CPNE7: variants seen among roughly 807,000 people sequenced by gnomAD.
The protein encoded by CPNE7 is copine-7.
A neutral mutation model predicts 66.5 loss-of-function variants in CPNE7; 78 were observed. The observed-to-expected ratio is 1.17, with a 90% CI of 0.98 to 1.42. The LOEUF (loss-of-function observed/expected upper bound fraction) is 1.42, where lower values mean the gene tolerates loss of function less well. Among genes scored for constraint, CPNE7 ranks in the 40% most tolerant of loss-of-function variants. CPNE7 has a pLI of 0.00. For synonymous variants in CPNE7, 468 were observed against 336.7 expected (o/e 1.39, Z -4.27); for missense variants, 1,012 against 776.6 (o/e 1.30, Z -3.60).
Position 89,583,721 on chromosome 16 carries a change from C to A in CPNE7, c.382C>A (p.Arg128Ser). Residue 128 changes from arginine to serine, a missense_variant, in exon 3 of 15, where the codon CGC becomes AGC. Arg to Ser is a moderately radical substitution (Grantham distance 110). Transcript: ENST00000319518. ...GQIVAQKKVT[R>S]PLLLKFGRNA... ...GATTGTGGCCCAGAAGAAGGTGACC[C>A]GCCCGCTGCTGCTCAAGTTTGGCAG... is the stretch of plus-strand genomic sequence containing the variant. The A allele has an allele frequency of 3.1e-6, 5 of 1,612,800 alleles. No homozygotes were observed. Among genetic ancestry groups the A allele is most frequent in the Non-Finnish European group, 4.2e-6 (5 of 1,179,916 alleles).
In CPNE7 at chr16:89,579,854, CA is replaced by C. The variant is rs1463830724; in HGVS notation, c.357+2134del. Among the ~76,000 whole-genome samples, 6 of 49,280 alleles carry C rather than the reference CA, an allele frequency of 1.2e-4. 1 individual carries two copies. Among genetic ancestry groups the C allele is most frequent in the Admixed American group, 9.6e-4 (4 of 4,156 alleles). 32.3% of individuals were successfully genotyped at this position (49,280 alleles called of 152,430 possible). On this transcript the variant is annotated intron_variant, in intron 2 of 14. Transcript: ENST00000319518. ...CACCCATCACACGGAACATCTCACC[CA>C]TCACACGGAACATCCCGTCACCTGC...
At chr16:89,595,271 C>T (rs1364909876) in intron 13 of CPNE7, 96 bp from the exon 14 acceptor site, 17 of 980,122 alleles carry the variant, frequency 1.7e-5, no homozygotes, top group South Asian at 1.6e-4. Flanking sequence ...CTCTGACGCA[C>T]GGAGGCACTC....
In CPNE7 at chr16:89,595,800, C is replaced by T. The variant is rs757496305; in HGVS notation, c.1539+197C>T. The T allele has an allele frequency of 2.3e-5, 16 of 695,482 alleles. No homozygotes were observed. In the East Asian group the frequency reaches 2.5e-4, roughly 11 times the overall value. The allele number at this position is 695,482 out of a possible 1,614,324, so 43.1% of individuals were successfully genotyped here. ...TTTGAGCACCTGAAACACCCTCCAC[C>T]GTTTTGAAACTTGTCGAATCTACAC... On this transcript the variant is annotated intron_variant, in intron 14 of 14. Transcript: ENST00000319518.
At chr16:89,595,238 A>T in intron 13 of CPNE7, 129 bp from the exon 14 acceptor site, 1 of 703,936 alleles carries the variant, frequency 1.4e-6, no homozygotes, top group Non-Finnish European at 2.4e-6. Context: ...TAGGCATCAC[A>T]CTCTGAAGGC....
chr16:89,595,315 C>T, intron 13 of CPNE7, 52 bp from the exon 14 acceptor site: 1 of 1,459,614 alleles, frequency 6.9e-7, no homozygotes, highest in Non-Finnish European at 9.3e-7. Flanking sequence ...TTGCAGGGCG[C>T]ATGTGGGCCA....
intron 8 of CPNE7, 133 bp downstream of exon 8, chr16:89,586,889 G>T: frequency 9.1e-7 from 1 of 1,099,632 alleles, no homozygotes; most frequent in South Asian, 1.3e-5. Flanking sequence ...TGAGAGACGG[G>T]GAAGGGCGAG....
In CPNE7 at chr16:89,586,754, A is replaced by G. The variant is rs868417632; in HGVS notation, c.865A>G (p.Lys289Glu). ...NSGVVVLADLKFHRVYSFLDY... is the reference protein window; with the variant it reads ...NSGVVVLADLEFHRVYSFLDY... The stretch of plus-strand genomic sequence containing the variant: ...AGGAGTGGTCGTCCTGGCTGACCTC[A>G]AGGTGAGAGGTGGCTGTGCCCGAAG... The change falls in exon 8 of 15, where the codon AAG (lysine) becomes GAG (glutamate). Residue 289 changes from lysine to glutamate, a missense_variant and splice_region_variant. Lys to Glu is a moderately conservative substitution (Grantham distance 56). Transcript: ENST00000319518. The G allele has an allele frequency of 1.9e-6, 3 of 1,610,896 alleles. No homozygotes were observed. Among genetic ancestry groups the G allele is most frequent in the Admixed American group, 1.7e-5 (1 of 59,924 alleles).
At chr16:89,587,852 TGTTACCCACAGATACACGGCCCCCC>T (rs2059095989) in intron 9 of CPNE7, 1 of 46,430 alleles carries the variant, frequency 2.2e-5, no homozygotes, top group Non-Finnish European at 4.8e-5. Flanking sequence ...ACGGCCCCCG[TGTTACCCACAGATACACGGCCCCCC>T]GTGTCACCCG....
chr16:89,576,484 C>T (rs1275063668), intron 1 of CPNE7, among the ~76,000 whole-genome samples: 2 of 151,882 alleles, frequency 1.3e-5, no homozygotes, highest in African/African-American at 2.4e-5. Flanking sequence ...AGCAGGCCGG[C>T]GAGGGAGCGC....
intron 2 of CPNE7, among the ~76,000 whole-genome samples, chr16:89,577,941 G>A (rs1319320909): frequency 6.6e-6 from 1 of 152,220 alleles, no homozygotes; most frequent in Non-Finnish European, 1.5e-5. Context: ...AGGTATAAAA[G>A]GCTGTGGAGC....
rs921031642 is a variant in CPNE7, at chr16:89,587,666, C to T, written c.927+564C>T. On this transcript the variant is annotated intron_variant, in intron 9 of 14. Transcript: ENST00000319518. The stretch of plus-strand genomic sequence containing the variant: ...GACCCCGTGTCACCCCCATGTCACC[C>T]GCAGACCCCGCGTCACCCATAGATA... The T allele has an allele frequency of 8.2e-5, 35 of 424,328 alleles. No individual in the cohort carries two copies. In the East Asian group the frequency reaches 1.0e-3, roughly 13 times the overall value. The allele number at this position is 424,328 out of a possible 1,614,324, so 26.3% of individuals were successfully genotyped here.
chr16:89,593,183 T>A (rs546092515), intron 13 of CPNE7, among the ~76,000 whole-genome samples: 210 of 152,110 alleles, frequency 1.4e-3, no homozygotes, highest in Non-Finnish European at 2.2e-3. Context: ...ACATCACCCG[T>A]CTACTTACAT....
At chr16:89,593,207 G>C (rs934801317) in intron 13 of CPNE7, among the ~76,000 whole-genome samples, 1 of 151,994 alleles carries the variant, frequency 6.6e-6, no homozygotes, top group Admixed American at 6.6e-5. Flanking sequence ...CAAGCCAAAT[G>C]GGAACCCTAT....
intron 14 of CPNE7, 106 bp downstream of exon 14, chr16:89,595,709 C>G: frequency 9.8e-6 from 10 of 1,018,784 alleles, no homozygotes; most frequent in Non-Finnish European, 1.5e-5. Context: ...TGTGGCAGGT[C>G]CCTTCTTGTG....
Position 89,577,675 on chromosome 16 carries a change from G to T in CPNE7, c.311G>T (p.Cys104Phe). 4 of 1,601,178 alleles carry T rather than the reference G, an allele frequency of 2.5e-6. No homozygotes were observed. The highest frequency in any genetic ancestry group is 4.5e-5 in the East Asian group (2 of 44,398). Residue 104 changes from cysteine (C) to phenylalanine (F), a missense_variant, in exon 2 of 15, where the codon TGT (cysteine) becomes TTT (phenylalanine). Cys to Phe is a radical substitution (Grantham distance 205, BLOSUM62 -2). Coordinates refer to ENST00000319518, the MANE Select transcript of CPNE7 (RefSeq NM_153636.3). ...ACGCATGGGCCCAGCGGCTTCAGCT[G>T]TCAGGAGGACGATTTCCTGGGGGGC... ...YDTHGPSGFSCQEDDFLGGME... is the reference protein window; with the variant it reads ...YDTHGPSGFSFQEDDFLGGME...
rs1344749238 is a variant in CPNE7, at chr16:89,577,627, G to C, written c.263G>C (p.Arg88Thr). Residue 88 changes from arginine to threonine, a missense_variant, in exon 2 of 15, where the codon AGG becomes ACG. By Grantham distance (71) the Arg-to-Thr change is moderately conservative. Transcript: ENST00000319518. The stretch of plus-strand genomic sequence containing the variant: ...GACTACTACTTCGAGGAGGTGCAGA[G>C]GCTGCGCTTTGAGGTGTACGACACG... ...TVDYYFEEVQ[R>T]LRFEVYDTHG... 6.3e-7 allele frequency: 1 copy of C among 1,577,084 alleles called. No individual in the cohort carries two copies. Among genetic ancestry groups the C allele is most frequent in the East Asian group, 2.3e-5 (1 of 43,124 alleles).
At position 89,584,854 on chromosome 16, in the gene CPNE7, G is replaced by C. The variant is rs753121212; in HGVS notation, c.588G>C (p.Thr196=). ...AGGGCTTGCAGCTGGTGTACAGGAC[G>C]GAGGTGAGCGGCCGGGGATGGGAAC... ...DDQGLQLVYR[T]EVVKNNLNPV... Residue 196 remains threonine (T), a synonymous_variant, in exon 5 of 15, where the codon ACG becomes ACC. Transcript: ENST00000319518. The surrounding 1 kb of genome is among the most constrained non-coding windows in gnomAD (Gnocchi z 6.0). The C allele has an allele frequency of 3.1e-6, 5 of 1,613,156 alleles. No individual in the cohort carries two copies. Among genetic ancestry groups the C allele is most frequent in the Non-Finnish European group, 4.2e-6 (5 of 1,179,772 alleles).
In CPNE7 at chr16:89,596,569, CG is replaced by C. The variant is rs768880271; in HGVS notation, c.1626del (p.Arg543GlufsTer27). ...TACTACAGCCACAGAGGCCTGCCCCCGAGAAGCCTGGGTGTCCCTGCCGGAG... is the reference window on the plus strand; with the variant it reads ...TACTACAGCCACAGAGGCCTGCCCCCAGAAGCCTGGGTGTCCCTGCCGGAG... ...VEYYSHRGLP[P>X]RSLGVPAGEA... On this transcript the variant is annotated frameshift_variant, in exon 15 of 15. Coordinates refer to ENST00000319518, the MANE Select transcript of CPNE7 (RefSeq NM_153636.3). LOFTEE classifies it low-confidence loss of function (END_TRUNC). 5.0e-6 allele frequency: 8 copies of C among 1,608,830 alleles called. No individual in the cohort carries two copies. The highest frequency in any genetic ancestry group is 5.9e-6 in the Non-Finnish European group (7 of 1,179,748).
Position 89,585,743 on chromosome 16 carries a change from TACC to T in CPNE7, c.742_744del (p.Thr248del). On this transcript the variant is annotated inframe_deletion, in exon 7 of 15. Transcript: ENST00000319518. ...AGCACGACTTCATCGGAGAATTCTC[TACC>T]ACCTTCGAGGAGATGCAGAAGGCCT... 1 of 1,459,360 alleles carries T rather than the reference TACC, an allele frequency of 6.9e-7. No homozygotes were observed. Among genetic ancestry groups the T allele is most frequent in the Non-Finnish European group, 9.1e-7 (1 of 1,093,108 alleles). 90.4% of individuals were successfully genotyped at this position (1,459,360 alleles called of 1,614,324 possible). A position where few individuals can be genotyped will look rare whatever the true frequency, so the allele number is the denominator to read the frequency against.
Sources: allele counts gnomAD v4.1 joint callset (sites outside exome capture counted in the v4.1 genomes callset), GRCh38; gene constraint gnomAD v4.1.1; non-coding constraint Gnocchi (gnomAD v3.1); transcripts MANE v1.5; gene names NCBI Gene and HGNC (gene_info 2026-07-23, HGNC 2026-07-21).